Variants in EYS observed in about 807,000 individuals in gnomAD.
The protein encoded by EYS is EGF-like photoreceptor maintenance factor.
Under a neutral mutation model 282.1 loss-of-function variants are expected in EYS, and 250 were observed. That is an observed-to-expected ratio of 0.89 (90% CI 0.80 to 0.98). The LOEUF is 0.98. EYS is among the 50% of genes least tolerant of loss of function. EYS has a pLI of 0.00. For missense variants in EYS, 4,016 were observed against 3,709.0 expected (o/e 1.08, Z -2.15); for synonymous variants, 1,355 against 1,282.9 (o/e 1.06, Z -1.20).
chr6:65,154,337 GA>G (rs758884518), intron 12 of EYS, among the ~76,000 whole-genome samples: 11 of 151,396 alleles, frequency 7.3e-5, no homozygotes, highest in Admixed American at 1.3e-4. Flanking sequence ...GTGGAAGGAA[GA>G]AAAGAAAGGA....
In EYS at chr6:64,813,362, G is replaced by A. The variant is rs1764652574; in HGVS notation, c.3443+16C>T. 6.5e-7 allele frequency: 1 copy of A among 1,528,012 alleles called. No homozygotes were observed. Among genetic ancestry groups the A allele is most frequent in the South Asian group, 1.3e-5 (1 of 79,724 alleles). 94.7% of individuals were successfully genotyped at this position (1,528,012 alleles called of 1,614,324 possible). A position where few individuals can be genotyped will look rare whatever the true frequency, so the allele number is the denominator to read the frequency against. ...TAAATATATATTTACTTACTTGTGG[G>A]TAAATAAATACTGACCTGCAGTCAA... On this transcript the variant is annotated intron_variant, in intron 22 of 42. Coordinates refer to ENST00000503581, the MANE Select transcript of EYS (RefSeq NM_001142800.2).
intron 22 of EYS, among the ~76,000 whole-genome samples, chr6:64,792,402 T>C (rs1438830791): frequency 6.6e-6 from 1 of 152,048 alleles, no homozygotes; most frequent in East Asian, 1.9e-4. Context: ...ATTGTTACTG[T>C]GGAGAATTTT....
At chr6:64,114,174 A>T (rs1773301199) in intron 31 of EYS, among the ~76,000 whole-genome samples, 1 of 152,178 alleles carries the variant, frequency 6.6e-6, no homozygotes, top group Non-Finnish European at 1.5e-5. Context: ...AAAAACATTG[A>T]TATATAAGGT....
chr6:63,720,826 C>G lies in EYS; in HGVS notation c.9205G>C (p.Asp3069His). The G allele has an allele frequency of 6.4e-7, 1 of 1,551,128 alleles. No homozygotes were observed. The highest frequency in any genetic ancestry group is 8.7e-7 in the Non-Finnish European group (1 of 1,146,648). ...ACAAAGTTTTTATGTGGATCAATATCCTCGGAAAGAATTAGACTGTTATTT... is the reference window on the plus strand; with the variant it reads ...ACAAAGTTTTTATGTGGATCAATATGCTCGGAAAGAATTAGACTGTTATTT... ...YINNSLILSE[D>H]IDPHKNFVAL... is the part of the protein sequence containing the mutation. The change falls in exon 43 of 43, where the codon GAT (aspartate) becomes CAT (histidine). Residue 3069 changes from aspartate (D) to histidine (H), a missense_variant. By Grantham distance (81) the Asp-to-His change is moderately conservative. Transcript: ENST00000503581.
chr6:64,757,300 A>C (rs1035823093), intron 22 of EYS, among the ~76,000 whole-genome samples: 2 of 152,152 alleles, frequency 1.3e-5, no homozygotes, highest in African/African-American at 4.8e-5. Flanking sequence ...AAAATTGACT[A>C]ATTTTCTTCA....
intron 35 of EYS, among the ~76,000 whole-genome samples, chr6:63,880,968 G>A (rs1424093229): frequency 2.0e-5 from 3 of 151,876 alleles, no homozygotes; most frequent in African/African-American, 7.3e-5. Context: ...CCTTATGGAT[G>A]GTAAAGGACA....
intron 22 of EYS, among the ~76,000 whole-genome samples, chr6:64,755,464 C>G (rs1401850370): frequency 6.8e-6 from 1 of 148,014 alleles, no homozygotes; most frequent in Non-Finnish European, 1.5e-5. Context: ...AAAAGCTATT[C>G]TAAACAAAAA....
intron 22 of EYS, among the ~76,000 whole-genome samples, chr6:64,796,640 C>T (rs977900201): frequency 2.0e-5 from 3 of 152,094 alleles, no homozygotes; most frequent in Non-Finnish European, 2.9e-5. Context: ...TACACACAGA[C>T]GCTATATTCT....
chr6:64,906,679 T>TGATG (rs1399890923), intron 16 of EYS, among the ~76,000 whole-genome samples: 5 of 152,192 alleles, frequency 3.3e-5, no homozygotes, highest in African/African-American at 4.8e-5. Flanking sequence ...TCACTGCAGC[T>TGATG]CCTTGTGAGG....
chr6:64,404,024 G>T (rs528078677), intron 28 of EYS, among the ~76,000 whole-genome samples: 1 of 152,272 alleles, frequency 6.6e-6, no homozygotes, highest in South Asian at 2.1e-4. Context: ...TGTGCTGGGG[G>T]TGGTTAGCCT....
At chr6:64,206,602 G>C (rs555947049) in intron 31 of EYS, among the ~76,000 whole-genome samples, 1 of 152,132 alleles carries the variant, frequency 6.6e-6, no homozygotes, top group South Asian at 2.1e-4. Context: ...TTACAACATC[G>C]AAAGATGGGA....
intron 29 of EYS, among the ~76,000 whole-genome samples, chr6:64,369,544 T>A (rs984347692): frequency 6.6e-6 from 1 of 152,174 alleles, no homozygotes; most frequent in Non-Finnish European, 1.5e-5. Flanking sequence ...TCTATGAGCA[T>A]GGAATGTGTT....
At chr6:65,093,081 T>C (rs1043728058) in intron 12 of EYS, among the ~76,000 whole-genome samples, 1 of 151,990 alleles carries the variant, frequency 6.6e-6, no homozygotes, top group Non-Finnish European at 1.5e-5. Context: ...GCAACCCTCA[T>C]AAAACTATCA....
At chr6:64,344,610 C>G (rs999171482) in intron 29 of EYS, among the ~76,000 whole-genome samples, 1 of 152,076 alleles carries the variant, frequency 6.6e-6, no homozygotes. Flanking sequence ...TGGACAAAAA[C>G]TGGAAACATT....
chr6:64,443,051 C>A (rs113243560), intron 26 of EYS, among the ~76,000 whole-genome samples: 1 of 152,162 alleles, frequency 6.6e-6, no homozygotes, highest in Non-Finnish European at 1.5e-5. Flanking sequence ...AGACACTCAA[C>A]GCCAGCCCAC....
At chr6:64,169,868 A>G (rs982935534) in intron 31 of EYS, among the ~76,000 whole-genome samples, 2 of 152,134 alleles carry the variant, frequency 1.3e-5, no homozygotes, top group Non-Finnish European at 2.9e-5. Flanking sequence ...GCCTTAGACC[A>G]CTGGAGTCTG....
chr6:63,937,268 C>A (rs547179160), intron 35 of EYS, among the ~76,000 whole-genome samples: 55 of 142,054 alleles, frequency 3.9e-4, no homozygotes, highest in Admixed American at 7.5e-4. Flanking sequence ...CAATATCAAG[C>A]AACACCTCAG....
chr6:63,979,609 T>C (rs1766998553), intron 35 of EYS, among the ~76,000 whole-genome samples: 1 of 151,958 alleles, frequency 6.6e-6, no homozygotes, highest in Non-Finnish European at 1.5e-5. Flanking sequence ...ACTGTTTAAC[T>C]TATTTAAAAA....
At position 64,945,834 on chromosome 6, in the gene EYS, G is replaced by C; in HGVS notation, c.2340C>G (p.Cys780Trp). 6.5e-7 allele frequency: 1 copy of C among 1,549,912 alleles called. No homozygotes were observed. The highest frequency in any genetic ancestry group is 1.2e-5 in the South Asian group (1 of 84,010). ...QESNECKMNP[C>W]KNNSTCTDLY... ...GGTCAGTACAGGTGGAATTGTTCTT[G>C]CAAGGATTCATTTTACACTCATTGG... The change falls in exon 15 of 43, where the codon TGC (cysteine) becomes TGG (tryptophan). Residue 780 changes from cysteine (C) to tryptophan (W), a missense_variant. Coordinates refer to ENST00000503581, the MANE Select transcript of EYS (RefSeq NM_001142800.2).
Sources: allele counts gnomAD v4.1 joint callset (sites outside exome capture counted in the v4.1 genomes callset), GRCh38; gene constraint gnomAD v4.1.1; transcripts MANE v1.5; gene names NCBI Gene and HGNC (gene_info 2026-07-23, HGNC 2026-07-21).